CLDN16: variants seen among roughly 807,000 people sequenced by gnomAD.
CLDN16 encodes the protein claudin-16.
A neutral mutation model predicts 24.6 loss-of-function variants in CLDN16; 13 were observed. That is an observed-to-expected ratio of 0.53 (90% CI 0.34 to 0.84). CLDN16 has a LOEUF of 0.84. Among genes scored for constraint, CLDN16 ranks in the 40% least tolerant of loss-of-function variants. The pLI is 0.01. For synonymous variants in CLDN16, 116 were observed against 106.7 expected (o/e 1.09, Z -0.54); for missense variants, 298 against 292.7 (o/e 1.02, Z -0.13).
At chr3:190,298,516 C>A in the CLDN16 span, among the ~76,000 whole-genome samples, 4 of 146,428 alleles carry the variant, frequency 2.7e-5, no homozygotes, top group Admixed American at 2.8e-4. Flanking sequence ...AGTGCAATGG[C>A]GTGATCTCTG....
the CLDN16 span, chr3:190,312,892 C>G: frequency 6.2e-7 from 1 of 1,613,944 alleles, no homozygotes; most frequent in Non-Finnish European, 8.5e-7. Flanking sequence ...AAATATCGCA[C>G]CCCCAATGAC....
the CLDN16 span, chr3:190,308,058 A>C: frequency 3.7e-5 from 19 of 519,180 alleles, no homozygotes; most frequent in African/African-American, 3.7e-4. Context: ...TACAAATGGA[A>C]AAATCTTCCC....
At chr3:190,349,301 C>A (rs752121664) in intron 1 of CLDN16, among the ~76,000 whole-genome samples, 9 of 152,086 alleles carry the variant, frequency 5.9e-5, no homozygotes, top group Non-Finnish European at 8.8e-5. Flanking sequence ...GTGTGTAGAG[C>A]TTCCCCCTTC....
At chr3:190,349,271 T>G (rs1270716881) in intron 1 of CLDN16, among the ~76,000 whole-genome samples, 1 of 152,168 alleles carries the variant, frequency 6.6e-6, no homozygotes, top group African/African-American at 2.4e-5. Context: ...TGAGTTCTCA[T>G]AAGAGCTGGT....
At chr3:190,343,970 A>G (rs1560083502) in intron 1 of CLDN16, among the ~76,000 whole-genome samples, 1 of 152,090 alleles carries the variant, frequency 6.6e-6, no homozygotes, top group East Asian at 1.9e-4. Context: ...GTATCTTCAC[A>G]TGTGATAGGG....
chr3:190,402,460 A>C (rs747813363), intron 2 of CLDN16, 21 bp downstream of exon 2: 1 of 1,561,180 alleles, frequency 6.4e-7, no homozygotes, highest in South Asian at 1.1e-5. Flanking sequence ...CTTAGAGCTC[A>C]CTGCTTGCCA....
the CLDN16 span, among the ~76,000 whole-genome samples, chr3:190,316,738 T>G: frequency 9.9e-5 from 15 of 152,226 alleles, no homozygotes; most frequent in Non-Finnish European, 1.8e-4. Flanking sequence ...TTATCAAATT[T>G]CAATAAATTT....
chr3:190,333,133 C>T (rs1241799444), intron 1 of CLDN16, among the ~76,000 whole-genome samples: 2 of 152,066 alleles, frequency 1.3e-5, no homozygotes, highest in Non-Finnish European at 2.9e-5. Flanking sequence ...AACTGAGACT[C>T]TTTTTGTGGT....
chr3:190,310,183 G>A, the CLDN16 span: 1 of 1,613,460 alleles, frequency 6.2e-7, no homozygotes, highest in Non-Finnish European at 8.5e-7. Flanking sequence ...CATTGACTGG[G>A]GTCATAGGGT....
intron 3 of CLDN16, among the ~76,000 whole-genome samples, chr3:190,381,214 A>G (rs1364185181): frequency 1.3e-5 from 2 of 152,044 alleles, no homozygotes; most frequent in Admixed American, 6.6e-5. Flanking sequence ...ATTGATTAGA[A>G]CTTGTTTTTA....
intron 1 of CLDN16, among the ~76,000 whole-genome samples, chr3:190,334,675 T>C (rs1367868012): frequency 1.3e-5 from 2 of 152,262 alleles, no homozygotes; most frequent in Admixed American, 1.3e-4. Context: ...ATGTTGTTGG[T>C]AACCACCACG....
the CLDN16 span, among the ~76,000 whole-genome samples, chr3:190,299,529 A>T: frequency 7.2e-6 from 1 of 138,558 alleles, no homozygotes; most frequent in Non-Finnish European, 1.6e-5. Flanking sequence ...TAAGAAATTT[A>T]TTCTTCTGTA....
chr3:190,336,366 T>G (rs2108626529), intron 1 of CLDN16, among the ~76,000 whole-genome samples: 1 of 152,318 alleles, frequency 6.6e-6, no homozygotes, highest in Non-Finnish European at 1.5e-5. Flanking sequence ...GCTTGCCACA[T>G]ATACGATGCT....
chr3:190,328,361 C>G (rs934717997), intron 1 of CLDN16, among the ~76,000 whole-genome samples: 1 of 152,058 alleles, frequency 6.6e-6, no homozygotes, highest in Non-Finnish European at 1.5e-5. Flanking sequence ...CTTTCTCTCT[C>G]CATTAGACAT....
chr3:190,328,101 G>A (rs1434197342), intron 1 of CLDN16, among the ~76,000 whole-genome samples: 6 of 135,868 alleles, frequency 4.4e-5, no homozygotes, highest in African/African-American at 1.8e-4. Flanking sequence ...GAACAAAATA[G>A]TAAGATTCCA....
chr3:190,373,564 G>A (rs1412475524), intron 2 of CLDN16, among the ~76,000 whole-genome samples: 2 of 151,848 alleles, frequency 1.3e-5, no homozygotes, highest in Non-Finnish European at 2.9e-5. Context: ...AGTTTGAGTG[G>A]TTAGGCCTCA....
At chr3:190,373,822 T>C (rs1399588036) in intron 2 of CLDN16, among the ~76,000 whole-genome samples, 2 of 137,504 alleles carry the variant, frequency 1.5e-5, no homozygotes, top group African/African-American at 5.5e-5. Context: ...ATATTTTAAA[T>C]TGCCTATAAT....
At chr3:190,301,201 C>T in the CLDN16 span, among the ~76,000 whole-genome samples, 3 of 152,056 alleles carry the variant, frequency 2.0e-5, no homozygotes, top group Non-Finnish European at 2.9e-5. Context: ...CATGTTAAGA[C>T]GACTATGTCC....
intron 1 of CLDN16, among the ~76,000 whole-genome samples, chr3:190,401,242 GAATATTATTTTATTTTC>G (rs775535291): frequency 0.49 from 60,689 of 124,028 alleles, 12,487 homozygotes; most frequent in East Asian, 0.59. Flanking sequence ...ATGTATTCCT[GAATATTATTTTATTTTC>G]CAAAGCAAAG....
Sources: gnomAD v4.1 joint callset for allele counts (sites outside exome capture counted in the v4.1 genomes callset) on GRCh38, gnomAD v4.1.1 for gene constraint, MANE v1.5 for transcripts, NCBI Gene and HGNC (gene_info 2026-07-23, HGNC 2026-07-21) for gene names.